Variants in ARRDC5 observed in about 807,000 individuals in gnomAD.
The protein encoded by ARRDC5 is arrestin domain containing 5, also known as arrestin domain-containing protein 5.
A neutral mutation model predicts 13.3 loss-of-function variants in ARRDC5; 12 were observed. The ratio of observed to expected loss-of-function variants is 0.90; its 90% CI spans 0.58 to 1.46. The LOEUF is 1.46. ARRDC5 is among the 40% of genes most tolerant of loss of function. The probability of loss-of-function intolerance (pLI) is 0.00; values close to 1 mark genes in which losing one functional copy is unlikely to be tolerated. For missense variants in ARRDC5, 406 were observed against 418.7 expected, an observed-to-expected ratio of 0.97 and a Z score of 0.26; for synonymous variants, 181 against 173.4, an observed-to-expected ratio of 1.04 and a Z score of -0.34.
chr19:4,891,029 T>C lies in ARRDC5; in HGVS notation c.*17A>G, dbSNP rs1488896942. On this transcript the variant is annotated 3_prime_UTR_variant, in exon 3 of 3. Transcript: ENST00000650722. ...GTAGAGACTAATAAAGCTTTTAATATTTAAAAGTTCGGGCACTTAATTCTG... is the reference window on the plus strand; with the variant it reads ...GTAGAGACTAATAAAGCTTTTAATACTTAAAAGTTCGGGCACTTAATTCTG... 3 of 1,591,670 alleles carry C rather than the reference T, an allele frequency of 1.9e-6. No homozygotes were observed. Among genetic ancestry groups the C allele is most frequent in the Admixed American group, 1.8e-5 (1 of 56,962 alleles).
In ARRDC5 at chr19:4,898,656, G is replaced by A. The variant is rs905576973; in HGVS notation, c.254-1780C>T. ...GGATTACAGGCATAAGCCATCAGGC[G>A]GGCTTGGCCTTTTTTTTTTTTTTTG... is the stretch of plus-strand genomic sequence containing the variant. On this transcript the variant is annotated intron_variant, in intron 1 of 2. Transcript: ENST00000650722. Among the ~76,000 whole-genome samples, 3 of 108,820 alleles carry A rather than the reference G, an allele frequency of 2.8e-5. No homozygotes were observed. In the East Asian group the frequency reaches 7.0e-4, roughly 26 times the overall value. 71.4% of individuals were successfully genotyped at this position (108,820 alleles called of 152,430 possible).
intron 2 of ARRDC5, among the ~76,000 whole-genome samples, chr19:4,896,344 ATATAT>A (rs1367308952): frequency 4.3e-4 from 31 of 72,576 alleles, no homozygotes; most frequent in African/African-American, 7.0e-4. Context: ...ATATATATAT[ATATAT>A]TTTTTTTTTT....
intron 1 of ARRDC5, among the ~76,000 whole-genome samples, chr19:4,899,764 C>CAAAAAAAAAAAAAA (rs1217500792): frequency 1.5e-5 from 1 of 67,976 alleles, no homozygotes; most frequent in Non-Finnish European, 2.8e-5. Context: ...CCCGTCTCTA[C>CAAAAAAAAAAAAAA]AAAAAAAAAA....
chr19:4,890,641 C>T lies in ARRDC5; in HGVS notation c.*405G>A. The T allele has an allele frequency of 4.3e-6, 1 of 230,936 alleles. No homozygotes were observed. The highest frequency in any genetic ancestry group is 5.2e-5 in the Admixed American group (1 of 19,156). The allele number at this position is 230,936 out of a possible 1,614,324, so 14.3% of individuals were successfully genotyped here. A position where few individuals can be genotyped will look rare whatever the true frequency, so the allele number is the denominator to read the frequency against. On this transcript the variant is annotated 3_prime_UTR_variant, in exon 3 of 3. Transcript: ENST00000650722. The stretch of plus-strand genomic sequence containing the variant: ...CACTGCAGGGTGCTGAACAGCGTCC[C>T]TGGCCTCCACCCTCTCCACGCCAAT...
chr19:4,891,684 C>T (rs1019620466), intron 2 of ARRDC5, 111 bp from the exon 3 acceptor site: 50 of 929,406 alleles, frequency 5.4e-5, no homozygotes, highest in African/African-American at 8.4e-5. Context: ...TGGCTGGGCA[C>T]GATAGCTCAC....
chr19:4,891,472 T>C lies in ARRDC5; in HGVS notation c.561A>G (p.Pro187=). Residue 187 remains proline (P), a synonymous_variant, in exon 3 of 3, where the codon CCA becomes CCG. Coordinates refer to ENST00000650722, the MANE Select transcript of ARRDC5 (RefSeq NM_001080523.3). ...CTGTTGTGAAGACGACCTTCTCTCC[T>C]GGCGTGAAGGTGTTCCTTTCCATCT... ...QIQMERNTFT[P]GEKVVFTTEI... The C allele has an allele frequency of 6.2e-7, 1 of 1,613,848 alleles. No homozygotes were observed. The highest frequency in any genetic ancestry group is 8.5e-7 in the Non-Finnish European group (1 of 1,179,864).
chr19:4,900,398 G>C (rs983069398), intron 1 of ARRDC5, among the ~76,000 whole-genome samples: 1 of 152,088 alleles, frequency 6.6e-6, no homozygotes. Flanking sequence ...GATAACACGT[G>C]TGAGCCACTG....
chr19:4,904,422 G>A (rs937831685), upstream of ARRDC5, among the ~76,000 whole-genome samples: 38 of 151,964 alleles, frequency 2.5e-4, no homozygotes, highest in Admixed American at 1.2e-3. Flanking sequence ...CTCGTGATCC[G>A]CCCACCTTGG....
At chr19:4,916,647 C>G in the ARRDC5 span, among the ~76,000 whole-genome samples, 1 of 151,882 alleles carries the variant, frequency 6.6e-6, no homozygotes, top group Non-Finnish European at 1.5e-5. Context: ...CACGCCACCG[C>G]CGCCCCCTCT....
chr19:4,904,185 G>T (rs1568400928), upstream of ARRDC5, among the ~76,000 whole-genome samples: 1 of 142,762 alleles, frequency 7.0e-6, no homozygotes, highest in African/African-American at 2.6e-5. Context: ...TTTTGTTTTT[G>T]TTTTTTTTTT....
At chr19:4,906,207 G>A (rs533476973), upstream of ARRDC5, among the ~76,000 whole-genome samples, 7 of 152,062 alleles carry the variant, frequency 4.6e-5, no homozygotes, top group African/African-American at 1.4e-4. Context: ...TCAAACTCCC[G>A]GGCGCAAGAG....
chr19:4,893,170 T>A (rs572694948), intron 2 of ARRDC5, among the ~76,000 whole-genome samples: 18 of 141,176 alleles, frequency 1.3e-4, no homozygotes, highest in African/African-American at 4.4e-4. Flanking sequence ...AATATATTAT[T>A]ATATATAATA....
chr19:4,902,526 C>A, intron 1 of ARRDC5, 47 bp downstream of exon 1: 1 of 1,585,054 alleles, frequency 6.3e-7, no homozygotes, highest in South Asian at 1.1e-5. Context: ...ATTTTCCAGA[C>A]CCAGGTTCCT....
intron 2 of ARRDC5, among the ~76,000 whole-genome samples, chr19:4,893,765 G>T (rs923083439): frequency 6.7e-6 from 1 of 149,890 alleles, no homozygotes; most frequent in African/African-American, 2.4e-5. Flanking sequence ...AAGGAAGGCC[G>T]GGTGCGGTGG....
Position 4,902,684 on chromosome 19 carries a change from C to T in ARRDC5, c.142G>A (p.Gly48Ser). ...PIVKVELVGR[G>S]YVEWSEEAGA... ...GCTTCTTCACTCCATTCGACGTAAC[C>T]CCTTCCCACGAGCTCCACCTTCACT... Residue 48 changes from glycine to serine, a missense_variant, in exon 1 of 3, where the codon GGT (glycine) becomes AGT (serine). By Grantham distance (56) the Gly-to-Ser change is moderately conservative (BLOSUM62 0). Transcript: ENST00000650722. 1.2e-6 allele frequency: 2 copies of T among 1,614,004 alleles called. No individual in the cohort carries two copies. The highest frequency in any genetic ancestry group is 1.7e-6 in the Non-Finnish European group (2 of 1,179,904).
chr19:4,893,756 A>C (rs2031597797), intron 2 of ARRDC5, among the ~76,000 whole-genome samples: 1 of 125,400 alleles, frequency 8.0e-6, no homozygotes, highest in Admixed American at 8.0e-5. Context: ...AAAACCAAAA[A>C]GGAAGGCCGG....
chr19:4,912,293 T>C, the ARRDC5 span, among the ~76,000 whole-genome samples: 1 of 152,150 alleles, frequency 6.6e-6, no homozygotes, highest in East Asian at 1.9e-4. Flanking sequence ...CTATGATGCG[T>C]GCTCCCTTTG....
chr19:4,909,372 G>A, the ARRDC5 span: 2 of 615,662 alleles, frequency 3.2e-6, no homozygotes, highest in African/African-American at 3.9e-5. Flanking sequence ...ACAGAGGCGG[G>A]GGCGCCCCCC....
intron 2 of ARRDC5, among the ~76,000 whole-genome samples, chr19:4,894,462 G>C (rs1187113493): frequency 7.9e-6 from 1 of 126,914 alleles, no homozygotes; most frequent in Non-Finnish European, 1.6e-5. Context: ...AGTGAGCCGA[G>C]ATCCCGCCAC....
Sources: gnomAD v4.1 joint callset for allele counts (sites outside exome capture counted in the v4.1 genomes callset) on GRCh38, gnomAD v4.1.1 for gene constraint, MANE v1.5 for transcripts, NCBI Gene and HGNC (gene_info 2026-07-23, HGNC 2026-07-21) for gene names.